The following COL14A1 variants were observed in gnomAD, a reference collection of about 807,000 sequenced individuals.
The protein encoded by COL14A1 is collagen alpha-1(XIV) chain.
In COL14A1, 136 loss-of-function variants were observed where a neutral mutation model predicts 230.3. The ratio of observed to expected loss-of-function variants is 0.59; its 90% confidence interval spans 0.51 to 0.68. COL14A1 has a LOEUF of 0.68. COL14A1 is among the 30% of genes least tolerant of loss of function. The pLI, the probability that COL14A1 is intolerant of heterozygous loss-of-function variation, is 0.00. For missense variants in COL14A1, 1,976 were observed against 2,215.8 expected, an observed-to-expected ratio of 0.89 and a Z score of 2.17; for synonymous variants, 792 against 784.1, an observed-to-expected ratio of 1.01 and a Z score of -0.17.
chr8:120,285,773 T>C, intron 32 of COL14A1, 88 bp from the exon 33 acceptor site: 1 of 785,488 alleles, frequency 1.3e-6, no homozygotes, highest in East Asian at 2.7e-5. Flanking sequence ...AAACAATCGA[T>C]GCATTGTTTT....
chr8:120,184,294 G>A (rs188177516), intron 5 of COL14A1, among the ~76,000 whole-genome samples: 47 of 149,282 alleles, frequency 3.1e-4, no homozygotes, highest in Non-Finnish European at 5.6e-4. Flanking sequence ...TTGCTCTGTC[G>A]CCCAGGCTGG....
intron 1 of COL14A1, among the ~76,000 whole-genome samples, chr8:120,128,062 C>A (rs1201888946): frequency 6.6e-6 from 1 of 152,140 alleles, no homozygotes; most frequent in African/African-American, 2.4e-5. Context: ...GGCAGGTTTG[C>A]CCCTCGATAG....
chr8:120,191,778 T>C (rs1320723925), intron 5 of COL14A1, among the ~76,000 whole-genome samples: 8 of 152,090 alleles, frequency 5.3e-5, no homozygotes, highest in Non-Finnish European at 8.8e-5. Flanking sequence ...CTTGTTGAAT[T>C]GATCCCTTTA....
intron 2 of COL14A1, among the ~76,000 whole-genome samples, chr8:120,154,224 G>A (rs1815388080): frequency 6.6e-6 from 1 of 152,096 alleles, no homozygotes; most frequent in Non-Finnish European, 1.5e-5. Context: ...AGAAAGGAAG[G>A]AAAGAAGGAG....
intron 13 of COL14A1, among the ~76,000 whole-genome samples, chr8:120,215,451 G>T (rs1817723738): frequency 6.6e-6 from 1 of 152,042 alleles, no homozygotes; most frequent in East Asian, 1.9e-4. Context: ...GAAAAGAAAA[G>T]AAAAGATCAT....
chr8:120,355,443 TC>T (rs1822946275), intron 45 of COL14A1, among the ~76,000 whole-genome samples: 1 of 151,598 alleles, frequency 6.6e-6, no homozygotes, highest in Non-Finnish European at 1.5e-5. Context: ...TCTTGCTTTG[TC>T]CCCCAGACTG....
intron 45 of COL14A1, among the ~76,000 whole-genome samples, chr8:120,350,508 C>A (rs1303157040): frequency 2.7e-5 from 4 of 150,538 alleles, no homozygotes; most frequent in African/African-American, 9.9e-5. Context: ...CGTGCAGAGA[C>A]ATACATAGGC....
At chr8:120,247,878 A>G (rs1430406379) in intron 21 of COL14A1, 143 bp downstream of exon 21, 4 of 1,040,298 alleles carry the variant, frequency 3.8e-6, no homozygotes, top group Non-Finnish European at 5.6e-6. Context: ...GTTTTGGAAA[A>G]ATAAAGTGTT....
chr8:120,199,311 A>G (rs1817148255), intron 7 of COL14A1, 91 bp from the exon 8 acceptor site: 3 of 1,203,882 alleles, frequency 2.5e-6, no homozygotes, highest in Non-Finnish European at 3.3e-6. Context: ...CTATGGCTCA[A>G]TAGGTTACCC....
intron 5 of COL14A1, 25 bp downstream of exon 5, chr8:120,168,272 A>G (rs758106577): frequency 6.6e-7 from 1 of 1,526,010 alleles, no homozygotes; most frequent in Non-Finnish European, 9.0e-7. Context: ...TAATTAACTC[A>G]TATTGGGAGT....
In COL14A1 at chr8:120,283,794, G is replaced by T; in HGVS notation, c.3967+16G>T. On this transcript the variant is annotated intron_variant, in intron 32 of 47. Coordinates refer to ENST00000297848, the MANE Select transcript of COL14A1 (RefSeq NM_021110.4). ...ATTTTAGACAGTAAGTATATTTATTGAGATCACATTCACATATACATGTAT... is the reference window on the plus strand; with the variant it reads ...ATTTTAGACAGTAAGTATATTTATTTAGATCACATTCACATATACATGTAT... The T allele has an allele frequency of 6.2e-7, 1 of 1,602,044 alleles. No homozygotes were observed. The highest frequency in any genetic ancestry group is 1.1e-5 in the South Asian group (1 of 88,676).
At chr8:120,299,541 A>G (rs1448147852) in intron 35 of COL14A1, among the ~76,000 whole-genome samples, 4 of 152,002 alleles carry the variant, frequency 2.6e-5, no homozygotes, top group African/African-American at 9.7e-5. Flanking sequence ...AGAGGCGTAA[A>G]TTCCATAGTA....
chr8:120,126,259 G>T (rs2130357444), intron 1 of COL14A1, among the ~76,000 whole-genome samples: 1 of 152,342 alleles, frequency 6.6e-6, no homozygotes, highest in East Asian at 1.9e-4. Flanking sequence ...GGAGGCCGCC[G>T]GCAGGTCCAG....
chr8:120,362,978 A>G (rs915906483), intron 45 of COL14A1, among the ~76,000 whole-genome samples: 20 of 152,208 alleles, frequency 1.3e-4, no homozygotes, highest in Non-Finnish European at 2.9e-5. Flanking sequence ...CATTGGAGCC[A>G]ATTATATTCA....
intron 26 of COL14A1, among the ~76,000 whole-genome samples, chr8:120,272,381 C>T (rs181626959): frequency 2.0e-5 from 3 of 151,672 alleles, no homozygotes; most frequent in South Asian, 2.1e-4. Flanking sequence ...AAAACAATAA[C>T]ACAATGAAGA....
chr8:120,316,876 G>A lies in COL14A1; in HGVS notation c.4659+879G>A, dbSNP rs760833426. 3.9e-5 allele frequency among the ~76,000 whole-genome samples: 6 copies of A among 152,188 alleles called. 1 individual carries two copies. Among genetic ancestry groups the A allele is most frequent in the Admixed American group, 1.3e-4 (2 of 15,278 alleles). On this transcript the variant is annotated intron_variant, in intron 40 of 47. Transcript: ENST00000297848. The stretch of plus-strand genomic sequence containing the variant: ...TGGCAGAAGATTAGAGTAATTGTAT[G>A]TGTGTGTTGAATGCATGTGCACACT...
chr8:120,214,062 G>A (rs1817684072), intron 13 of COL14A1: 2 of 258,776 alleles, frequency 7.7e-6, no homozygotes, highest in Admixed American at 5.7e-5. Flanking sequence ...GCTATGGCTG[G>A]TAATTGTCAT....
chr8:120,278,570 A>G lies in COL14A1; in HGVS notation c.3473A>G (p.Gln1158Arg), dbSNP rs1404954989. ...GTGAACAAAATCTCCAGGGAGATGC[A>G]ATTAGATGGTAAGATATATAAACAA... ...DDVNKISREM[Q>R]LDGYSIFAIG... The change falls in exon 28 of 48, where the codon CAA becomes CGA. Residue 1158 changes from glutamine to arginine, a missense_variant. This residue lies in a region of COL14A1 where 1,791 missense variants were observed against 2,019.5 expected (regional missense o/e 0.89). Coordinates refer to ENST00000297848, the MANE Select transcript of COL14A1 (RefSeq NM_021110.4). 4 of 1,612,162 alleles carry G rather than the reference A, an allele frequency of 2.5e-6. No homozygotes were observed. The highest frequency in any genetic ancestry group is 3.4e-6 in the Non-Finnish European group (4 of 1,179,088).
rs1365872059 is a variant in COL14A1, at chr8:120,250,609, T to G, written c.2603-8T>G. On this transcript the variant is annotated splice_polypyrimidine_tract_variant and splice_region_variant and intron_variant, in intron 21 of 47. Coordinates refer to ENST00000297848, the MANE Select transcript of COL14A1 (RefSeq NM_021110.4). The stretch of plus-strand genomic sequence containing the variant: ...TTGTAACTAAAATATATCCTCTTTC[T>G]TCTTTAGTTCCTGGTCCAACACTGG... 3.7e-6 allele frequency: 6 copies of G among 1,614,124 alleles called. No homozygotes were observed. In the South Asian group the frequency reaches 6.6e-5, roughly 18 times the overall value.
Sources: gnomAD v4.1 joint callset for allele counts (sites outside exome capture counted in the v4.1 genomes callset) on GRCh38, gnomAD v4.1.1 for gene constraint, gnomAD v4.1.1 regional missense constraint, MANE v1.5 for transcripts, NCBI Gene and HGNC (gene_info 2026-07-23, HGNC 2026-07-21) for gene names.